Variants in TMTC1 observed in about 807,000 individuals in gnomAD.
The protein encoded by TMTC1 is transmembrane O-mannosyltransferase targeting cadherins 1, also known as protein O-mannosyl-transferase TMTC1.
Under a neutral mutation model 104.8 loss-of-function variants are expected in TMTC1, and 73 were observed. The ratio of observed to expected loss-of-function variants is 0.70; its 90% CI spans 0.58 to 0.85. The LOEUF (loss-of-function observed/expected upper bound fraction) is 0.85. Among genes scored for constraint, TMTC1 ranks in the 40% least tolerant of loss-of-function variants. TMTC1 has a pLI of 0.00. For synonymous variants in TMTC1, 434 were observed against 428.7 expected, an observed-to-expected ratio of 1.01 and a Z score of -0.15; for missense variants, 1,035 against 1,096.1, an observed-to-expected ratio of 0.94 and a Z score of 0.79.
At chr12:29,779,115 G>A (rs1329526155) in intron 1 of TMTC1, among the ~76,000 whole-genome samples, 1 of 152,162 alleles carries the variant, frequency 6.6e-6, no homozygotes, top group African/African-American at 2.4e-5. Flanking sequence ...GCTGAAAGAC[G>A]AGATCTGGAG....
intron 7 of TMTC1, among the ~76,000 whole-genome samples, chr12:29,592,357 A>G (rs1248319994): frequency 6.6e-6 from 1 of 152,218 alleles, no homozygotes; most frequent in Non-Finnish European, 1.5e-5. Flanking sequence ...GTTTATTCAT[A>G]TTCCAAGAAA....
At chr12:29,700,038 T>A (rs1414323704) in intron 5 of TMTC1, among the ~76,000 whole-genome samples, 1 of 151,994 alleles carries the variant, frequency 6.6e-6, no homozygotes, top group Non-Finnish European at 1.5e-5. Context: ...ATTTTTAAAA[T>A]TTTACATTTA....
chr12:29,514,336 C>T (rs748367242), intron 16 of TMTC1, 146 bp downstream of exon 16: 24 of 720,972 alleles, frequency 3.3e-5, no homozygotes, highest in Non-Finnish European at 4.2e-5. Context: ...AACAAAACTT[C>T]GTCAATTAGT....
Position 29,556,831 on chromosome 12 carries a change from TGATCGA to T in TMTC1, c.1676+20_1676+25del, listed in dbSNP as rs1400169777. ...AGTTTCTTGGAATCGCAAGGCCACCTGATCGATGGTAAACGTCCCACTTACTTGAGG... is the reference window on the plus strand; with the variant it reads ...AGTTTCTTGGAATCGCAAGGCCACCTTGGTAAACGTCCCACTTACTTGAGG... On this transcript the variant is annotated intron_variant, in intron 10 of 17. Transcript: ENST00000539277. The T allele has an allele frequency of 1.9e-6, 3 of 1,613,088 alleles. No individual in the cohort carries two copies. In the East Asian group the frequency reaches 6.7e-5, roughly 36 times the overall value.
intron 10 of TMTC1, among the ~76,000 whole-genome samples, chr12:29,539,250 A>G (rs1239305052): frequency 1.3e-5 from 2 of 152,158 alleles, no homozygotes; most frequent in African/African-American, 2.4e-5. Flanking sequence ...TTCTGATGTT[A>G]GTAGCATCCC....
intron 9 of TMTC1, among the ~76,000 whole-genome samples, chr12:29,561,330 T>C (rs1945371879): frequency 1.3e-5 from 2 of 152,344 alleles, no homozygotes; most frequent in Middle Eastern, 3.4e-3. Flanking sequence ...AATAATTCTT[T>C]TCATCTTGTT....
At chr12:29,512,239 C>A in intron 16 of TMTC1, 119 bp from the exon 17 acceptor site, 1 of 712,170 alleles carries the variant, frequency 1.4e-6, no homozygotes, top group Non-Finnish European at 2.3e-6. Context: ...CCAGCCGCTA[C>A]TAGTTCACAG....
intron 10 of TMTC1, among the ~76,000 whole-genome samples, chr12:29,550,882 G>A (rs1038282584): frequency 7.6e-5 from 11 of 144,062 alleles, no homozygotes; most frequent in East Asian, 2.1e-4. Flanking sequence ...AAAAGAGCAG[G>A]GAGATTGCAT....
At chr12:29,616,490 A>G (rs993168237) in intron 6 of TMTC1, among the ~76,000 whole-genome samples, 1 of 152,040 alleles carries the variant, frequency 6.6e-6, no homozygotes, top group Non-Finnish European at 1.5e-5. Flanking sequence ...CAACATGGTG[A>G]AACTCCGTCT....
At chr12:29,607,399 G>T (rs1263866123) in intron 6 of TMTC1, among the ~76,000 whole-genome samples, 2 of 152,182 alleles carry the variant, frequency 1.3e-5, no homozygotes, top group African/African-American at 4.8e-5. Flanking sequence ...AAAAAACTGG[G>T]TAGAAGAAGG....
intron 1 of TMTC1, among the ~76,000 whole-genome samples, chr12:29,771,692 C>T (rs1943598083): frequency 6.6e-6 from 1 of 152,062 alleles, no homozygotes; most frequent in African/African-American, 2.4e-5. Flanking sequence ...ATGGGAGAGG[C>T]AAGATAGGTG....
intron 5 of TMTC1, among the ~76,000 whole-genome samples, chr12:29,725,346 C>A (rs1485873758): frequency 6.7e-6 from 1 of 149,018 alleles, no homozygotes; most frequent in African/African-American, 2.5e-5. Flanking sequence ...CTTTTTTTTT[C>A]TTTTTTGGGA....
chr12:29,632,590 C>T (rs1938353578), intron 6 of TMTC1, among the ~76,000 whole-genome samples: 1 of 152,174 alleles, frequency 6.6e-6, no homozygotes, highest in South Asian at 2.1e-4. Context: ...AAGGCCTCCC[C>T]AGCCCTGCAT....
At chr12:29,513,024 C>T (rs1943883063) in intron 16 of TMTC1, among the ~76,000 whole-genome samples, 1 of 152,132 alleles carries the variant, frequency 6.6e-6, no homozygotes, top group Non-Finnish European at 1.5e-5. Context: ...TGTTATGAAA[C>T]TATACCTTCA....
chr12:29,695,540 T>C (rs1157443145), intron 5 of TMTC1, among the ~76,000 whole-genome samples: 2 of 151,594 alleles, frequency 1.3e-5, no homozygotes, highest in Non-Finnish European at 2.9e-5. Context: ...CTCCTGACCT[T>C]GTGATCTGGC....
At chr12:29,567,861 A>C (rs1945559900) in intron 9 of TMTC1, among the ~76,000 whole-genome samples, 1 of 152,250 alleles carries the variant, frequency 6.6e-6, no homozygotes. Flanking sequence ...TATAAACAGC[A>C]TTATTAAAAG....
intron 6 of TMTC1, among the ~76,000 whole-genome samples, chr12:29,612,782 G>A (rs1021106143): frequency 5.9e-5 from 9 of 152,116 alleles, no homozygotes; most frequent in Non-Finnish European, 1.3e-4. Flanking sequence ...ATCACAGTGG[G>A]ATAAAACATA....
chr12:29,569,134 C>G (rs2136291877), intron 9 of TMTC1: 1 of 361,784 alleles, frequency 2.8e-6, no homozygotes, highest in Non-Finnish European at 5.5e-6. Context: ...GCAATATTTT[C>G]CAGGGGAGAT....
intron 5 of TMTC1, among the ~76,000 whole-genome samples, chr12:29,711,409 G>C (rs1484045297): frequency 6.6e-6 from 1 of 152,144 alleles, no homozygotes; most frequent in Admixed American, 6.5e-5. Flanking sequence ...TTTGCTTTTA[G>C]CACTTTGCTT....
Sources: allele counts gnomAD v4.1 joint callset (sites outside exome capture counted in the v4.1 genomes callset), GRCh38; gene constraint gnomAD v4.1.1; transcripts MANE v1.5; gene names NCBI Gene and HGNC (gene_info 2026-07-23, HGNC 2026-07-21).